The following TPTE variants were observed in gnomAD, a reference collection of about 807,000 sequenced individuals.
TPTE encodes putative tyrosine-protein phosphatase TPTE.
Under a neutral mutation model 84.1 loss-of-function variants are expected in TPTE, and 59 were observed. The ratio of observed to expected loss-of-function variants is 0.70; its 90% confidence interval spans 0.57 to 0.87. TPTE has a LOEUF of 0.87. Among genes scored for constraint, TPTE ranks in the 40% least tolerant of loss-of-function variants. The probability of loss-of-function intolerance (pLI) is 0.00; values close to 1 mark genes in which losing one functional copy is unlikely to be tolerated. For synonymous variants in TPTE, 130 were observed against 223.5 expected (o/e 0.58, Z 3.73); for missense variants, 382 against 659.6 (o/e 0.58, Z 4.61).
rs2135783 is a variant in TPTE, at chr21:10,581,379, A to G, written c.1027+2774A>G. ...CTAATTCCTTGCTTGAAGGAAAACA[A>G]TCATTTCAAATCTGACTTTTTTTCT... On this transcript the variant is annotated intron_variant, in intron 17 of 23. Transcript: ENST00000618007. Among the ~76,000 whole-genome samples, 94 of 152,252 alleles carry G rather than the reference A, an allele frequency of 6.2e-4. No individual in the cohort carries two copies. In the South Asian group the frequency reaches 7.8e-3, roughly 13 times the overall value.
chr21:10,566,318 C>G (rs1271300482), intron 10 of TPTE, among the ~76,000 whole-genome samples: 2 of 152,296 alleles, frequency 1.3e-5, no homozygotes, highest in Non-Finnish European at 2.9e-5. Context: ...ATCATCTCAC[C>G]CCAGCTAAAA....
intron 1 of TPTE, among the ~76,000 whole-genome samples, chr21:10,522,364 C>CG (rs1200905838): frequency 1.3e-4 from 1 of 7,584 alleles, no homozygotes; most frequent in African/African-American, 6.5e-4. Flanking sequence ...CGGGGGTCTG[C>CG]GGGGGTGGGC....
chr21:10,587,827 G>A (rs1289216583), intron 17 of TPTE, among the ~76,000 whole-genome samples: 1 of 152,306 alleles, frequency 6.6e-6, no homozygotes, highest in African/African-American at 2.4e-5. Context: ...TGGGATTATA[G>A]GCATGAGCCA....
chr21:10,536,293 A>G (rs1213867841), intron 3 of TPTE, among the ~76,000 whole-genome samples: 2 of 152,312 alleles, frequency 1.3e-5, no homozygotes, highest in African/African-American at 2.4e-5. Context: ...GGATACACCT[A>G]GTTCAAATTA....
chr21:10,581,882 G>T (rs2075277322), intron 17 of TPTE, among the ~76,000 whole-genome samples: 1 of 152,306 alleles, frequency 6.6e-6, no homozygotes, highest in East Asian at 1.9e-4. Context: ...CTACAGGTGA[G>T]CGTCACCATG....
chr21:10,541,621 A>G (rs1027199782), intron 5 of TPTE, among the ~76,000 whole-genome samples: 8 of 152,426 alleles, frequency 5.2e-5, no homozygotes, highest in African/African-American at 1.4e-4. Context: ...TGTATCATGT[A>G]TAGATAACTT....
chr21:10,587,260 G>T (rs1212990214), intron 17 of TPTE, among the ~76,000 whole-genome samples: 1 of 152,306 alleles, frequency 6.6e-6, no homozygotes, highest in Admixed American at 6.5e-5. Flanking sequence ...TGCATATACA[G>T]GTTTATTGGT....
intron 11 of TPTE, among the ~76,000 whole-genome samples, chr21:10,568,513 C>T (rs1193849126): frequency 1.3e-5 from 2 of 152,310 alleles, no homozygotes; most frequent in Non-Finnish European, 2.9e-5. Flanking sequence ...CAAATGTATA[C>T]TGGGATGTAG....
intron 7 of TPTE, among the ~76,000 whole-genome samples, chr21:10,548,511 G>A (rs2074513620): frequency 6.6e-6 from 1 of 152,300 alleles, no homozygotes; most frequent in Non-Finnish European, 1.5e-5. Context: ...GGCTTCCCCT[G>A]GCAGGCACCA....
intron 10 of TPTE, among the ~76,000 whole-genome samples, chr21:10,562,657 A>C (rs1467421090): frequency 1.9e-4 from 29 of 152,290 alleles, no homozygotes; most frequent in Non-Finnish European, 3.8e-4. Context: ...TTAATAGCAG[A>C]ATTGATAAAC....
chr21:10,593,505 T>G (rs1244250666), intron 19 of TPTE, among the ~76,000 whole-genome samples: 2 of 152,310 alleles, frequency 1.3e-5, no homozygotes, highest in African/African-American at 4.8e-5. Context: ...TTACTTGTAA[T>G]TTGTTTATTG....
intron 1 of TPTE, among the ~76,000 whole-genome samples, chr21:10,524,153 A>G (rs1359960680): frequency 3.3e-5 from 5 of 152,300 alleles, no homozygotes; most frequent in African/African-American, 1.2e-4. Flanking sequence ...GTAAAGACCT[A>G]GAGGTGAGGT....
At chr21:10,538,028 A>G (rs1259254072) in intron 3 of TPTE, among the ~76,000 whole-genome samples, 5 of 152,298 alleles carry the variant, frequency 3.3e-5, no homozygotes, top group Non-Finnish European at 7.3e-5. Context: ...AGTAAAAATA[A>G]AAACTAATTT....
At chr21:10,545,726 GAT>G (rs1283045686) in intron 7 of TPTE, among the ~76,000 whole-genome samples, 1 of 151,728 alleles carries the variant, frequency 6.6e-6, no homozygotes, top group Non-Finnish European at 1.5e-5. Context: ...AATATATATA[GAT>G]ATATAAATAT....
Position 10,605,681 on chromosome 21 carries a change from G to A in TPTE, c.*129G>A, listed in dbSNP as rs1979227122. 6.2e-6 allele frequency: 9 copies of A among 1,447,542 alleles called. No individual in the cohort carries two copies. Among genetic ancestry groups the A allele is most frequent in the Non-Finnish European group, 8.3e-6 (9 of 1,084,460 alleles). The allele number at this position is 1,447,542 out of a possible 1,614,324, so 89.7% of individuals were successfully genotyped here. ...TTTATGTTTATATATGTTTATATATGTTCTTCATAAATCTATTACATATAT... is the reference window on the plus strand; with the variant it reads ...TTTATGTTTATATATGTTTATATATATTCTTCATAAATCTATTACATATAT... On this transcript the variant is annotated 3_prime_UTR_variant, in exon 24 of 24. Coordinates refer to ENST00000618007, the MANE Select transcript of TPTE (RefSeq NM_199261.4).
intron 5 of TPTE, among the ~76,000 whole-genome samples, 171 bp downstream of exon 5, chr21:10,541,336 G>A (rs1600869705): frequency 6.6e-6 from 1 of 152,308 alleles, no homozygotes; most frequent in African/African-American, 2.4e-5. Flanking sequence ...GCCAGGTGTG[G>A]TGGCAGGTGC....
intron 17 of TPTE, among the ~76,000 whole-genome samples, chr21:10,585,705 G>C (rs573424116): frequency 1.2e-3 from 185 of 152,062 alleles, no homozygotes; most frequent in African/African-American, 4.1e-3. Flanking sequence ...AAATTCACCA[G>C]TGAACGCACA....
At chr21:10,540,972 C>G in intron 4 of TPTE, 140 bp from the exon 5 acceptor site, 1 of 1,313,128 alleles carries the variant, frequency 7.6e-7, no homozygotes, top group Middle Eastern at 1.9e-4. Flanking sequence ...CAAATGCCAT[C>G]CCAGGTCAAT....
At chr21:10,539,289 C>G (rs61232888) in intron 4 of TPTE, among the ~76,000 whole-genome samples, 2,974 of 151,098 alleles carry the variant, frequency 0.02, no homozygotes, top group African/African-American at 0.07. Flanking sequence ...GTCCCTCACA[C>G]TCCAGAGCTC....
Sources: gnomAD v4.1 joint callset for allele counts (sites outside exome capture counted in the v4.1 genomes callset) on GRCh38, gnomAD v4.1.1 for gene constraint, MANE v1.5 for transcripts, NCBI Gene and HGNC (gene_info 2026-07-23, HGNC 2026-07-21) for gene names.